The following PCDH15 variants were observed in gnomAD, a reference collection of about 807,000 sequenced individuals.
PCDH15 encodes the protein protocadherin-15.
A neutral mutation model predicts 178.5 loss-of-function variants in PCDH15; 129 were observed. The observed-to-expected ratio is 0.72, with a 90% CI of 0.63 to 0.84. The LOEUF (loss-of-function observed/expected upper bound fraction) is 0.84. Ranked by LOEUF, PCDH15 falls within the 40% of genes least tolerant of loss-of-function variation. PCDH15 has a pLI of 0.00. For synonymous variants in PCDH15, 800 were observed against 732.0 expected (o/e 1.09, Z -1.50); for missense variants, 2,230 against 2,099.9 (o/e 1.06, Z -1.21).
At chr10:54,712,344 C>T (rs10740591) in intron 1 of PCDH15, among the ~76,000 whole-genome samples, 70,952 of 151,342 alleles carry the variant, frequency 0.47, 17,225 homozygotes, top group Middle Eastern at 0.55. Flanking sequence ...ATTTATATTG[C>T]TAAATTTTAA....
intron 2 of PCDH15, among the ~76,000 whole-genome samples, chr10:54,972,868 A>AG (rs1838972774): frequency 6.6e-6 from 1 of 150,916 alleles, no homozygotes. Context: ...AAAAAAAAAA[A>AG]AAGAATACTC....
At chr10:54,708,081 A>G (rs2095385321) in intron 1 of PCDH15, among the ~76,000 whole-genome samples, 1 of 152,248 alleles carries the variant, frequency 6.6e-6, no homozygotes, top group Non-Finnish European at 1.5e-5. Context: ...CATATGTTGT[A>G]GGAACTATAT....
intron 8 of PCDH15, among the ~76,000 whole-genome samples, chr10:54,299,816 C>A (rs2060038031): frequency 6.6e-6 from 1 of 152,120 alleles, no homozygotes; most frequent in Non-Finnish European, 1.5e-5. Flanking sequence ...TTGCACTCAG[C>A]CAAATCTTAA....
intron 21 of PCDH15, among the ~76,000 whole-genome samples, chr10:53,967,492 G>A (rs1421167804): frequency 1.3e-5 from 2 of 152,136 alleles, no homozygotes; most frequent in Non-Finnish European, 2.9e-5. Context: ...GGTTGGTCCA[G>A]AACTCCTGGC....
At chr10:54,512,629 T>A (rs542975047) in intron 3 of PCDH15, among the ~76,000 whole-genome samples, 4 of 152,188 alleles carry the variant, frequency 2.6e-5, no homozygotes, top group Admixed American at 6.6e-5. Context: ...ACATAACATA[T>A]TGATGTTTGT....
At chr10:55,301,643 G>C (rs1276620277) in intron 1 of PCDH15, among the ~76,000 whole-genome samples, 1 of 151,842 alleles carries the variant, frequency 6.6e-6, no homozygotes, top group Non-Finnish European at 1.5e-5. Flanking sequence ...TTATACTTTT[G>C]ATATCAAGTC....
At chr10:53,959,593 A>G in intron 23 of PCDH15, 139 bp downstream of exon 23, 1 of 650,448 alleles carries the variant, frequency 1.5e-6, no homozygotes, top group South Asian at 1.8e-5. Flanking sequence ...AATTTAAACT[A>G]TATTTTATGT....
chr10:55,176,875 A>G (rs1839505640), intron 1 of PCDH15, among the ~76,000 whole-genome samples: 1 of 152,142 alleles, frequency 6.6e-6, no homozygotes, highest in African/African-American at 2.4e-5. Context: ...GGATGGTATT[A>G]CCACAGAGAT....
intron 1 of PCDH15, among the ~76,000 whole-genome samples, chr10:55,228,396 A>T (rs1471459748): frequency 6.6e-6 from 1 of 152,060 alleles, no homozygotes; most frequent in Non-Finnish European, 1.5e-5. Flanking sequence ...TAGGAGTAGT[A>T]TGGGGAATGA....
intron 3 of PCDH15, among the ~76,000 whole-genome samples, chr10:54,834,813 A>AT (rs1028664932): frequency 8.2e-4 from 125 of 152,108 alleles, no homozygotes; most frequent in African/African-American, 2.9e-3. Flanking sequence ...GTGAAAATGA[A>AT]TTTTTTTTAA....
Position 54,199,567 on chromosome 10 carries a change from C to CAATAAT in PCDH15, c.1099-3679_1099-3678insATTATT, listed in dbSNP as rs1408960891. Reference sequence around the variant, plus strand: ...AAATGTTGAATTTAAACAACAACAACAACAATAATAATAATAATAATAATA... The same window carrying CAATAAT: ...AAATGTTGAATTTAAACAACAACAACAATAATAACAATAATAATAATAATAATAATA... On this transcript the variant is annotated intron_variant, in intron 10 of 37. Coordinates refer to ENST00000644397, the MANE Select transcript of PCDH15 (RefSeq NM_001384140.1). 4.2e-3 allele frequency among the ~76,000 whole-genome samples: 379 copies of CAATAAT among 89,590 alleles called. 1 individual carries two copies. The highest frequency in any genetic ancestry group is 0.012 in the South Asian group (26 of 2,192). 58.8% of individuals were successfully genotyped at this position (89,590 alleles called of 152,430 possible).
intron 2 of PCDH15, chr10:54,640,969 T>G (rs2093974498): frequency 6.1e-6 from 1 of 163,954 alleles, no homozygotes. Flanking sequence ...CCGAGCATGG[T>G]GATGTGTGCC....
In PCDH15 at chr10:54,322,367, A is replaced by G. The variant is rs1001503875; in HGVS notation, c.706-4926T>C. On this transcript the variant is annotated intron_variant, in intron 7 of 37. Transcript: ENST00000644397. ...TTCTCTTCTTTTTTAAAAAATAAGA[A>G]TATATATTTAACTTCAATTATTTAA... is the stretch of plus-strand genomic sequence containing the variant. Among the ~76,000 whole-genome samples the G allele has an allele frequency of 2.0e-5, 3 of 151,894 alleles. No homozygotes were observed. In the South Asian group the frequency reaches 6.2e-4, roughly 31 times the overall value.
intron 3 of PCDH15, among the ~76,000 whole-genome samples, chr10:54,394,180 T>C (rs1950903082): frequency 6.6e-6 from 1 of 152,198 alleles, no homozygotes. Context: ...TAGATATTTT[T>C]TGCCATAAAT....
At chr10:54,651,102 A>G (rs1329089007) in intron 2 of PCDH15, among the ~76,000 whole-genome samples, 3 of 152,160 alleles carry the variant, frequency 2.0e-5, no homozygotes, top group Admixed American at 1.3e-4. Flanking sequence ...TGTAAACTGG[A>G]GTTCCACAAA....
intron 18 of PCDH15, among the ~76,000 whole-genome samples, chr10:54,053,780 A>C (rs1025355546): frequency 1.3e-5 from 2 of 152,118 alleles, no homozygotes; most frequent in Non-Finnish European, 2.9e-5. Context: ...TGTGTACTTA[A>C]GTTATTTGTT....
intron 3 of PCDH15, among the ~76,000 whole-genome samples, chr10:54,850,968 A>C (rs1452202460): frequency 6.6e-6 from 1 of 152,174 alleles, no homozygotes; most frequent in African/African-American, 2.4e-5. Context: ...GAGTAAGATG[A>C]TCAATGCAGA....
chr10:55,160,546 C>T (rs1439119926), intron 2 of PCDH15, among the ~76,000 whole-genome samples: 3 of 151,948 alleles, frequency 2.0e-5, no homozygotes, highest in Non-Finnish European at 4.4e-5. Context: ...TTTAAATATG[C>T]ACCATTCTTA....
intron 3 of PCDH15, among the ~76,000 whole-genome samples, chr10:54,887,588 G>A (rs1954380756): frequency 6.6e-6 from 1 of 151,886 alleles, no homozygotes; most frequent in African/African-American, 2.4e-5. Context: ...GTAATGCAAA[G>A]TATTTTTAAA....
Sources: gnomAD v4.1 joint callset for allele counts (sites outside exome capture counted in the v4.1 genomes callset) on GRCh38, gnomAD v4.1.1 for gene constraint, MANE v1.5 for transcripts, NCBI Gene and HGNC (gene_info 2026-07-23, HGNC 2026-07-21) for gene names.